Variants in DCTN5 observed in about 807,000 individuals in gnomAD.
DCTN5 encodes dynactin 4.
DCTN5 carries 14 observed loss-of-function variants against 23.5 expected under a neutral mutation model. That is an observed-to-expected ratio of 0.60 (90% CI 0.39 to 0.93). The LOEUF (loss-of-function observed/expected upper bound fraction) is 0.93. Among genes scored for constraint, DCTN5 ranks in the 40% least tolerant of loss-of-function variants. DCTN5 has a pLI of 0.00. For synonymous variants in DCTN5, 67 were observed against 79.6 expected (o/e 0.84, Z 0.84); for missense variants, 156 against 225.9 (o/e 0.69, Z 1.98).
At chr16:23,660,166 G>C (rs1270033053) in intron 3 of DCTN5, among the ~76,000 whole-genome samples, 2 of 152,198 alleles carry the variant, frequency 1.3e-5, no homozygotes, top group African/African-American at 4.8e-5. Flanking sequence ...ATGCATTGCT[G>C]CACAAGAGGT....
chr16:23,642,794 C>T lies in DCTN5; in HGVS notation c.49-161C>T, dbSNP rs1967325213. 1.9e-5 allele frequency: 12 copies of T among 624,084 alleles called. 1 individual carries two copies. The South Asian group carries it at 2.1e-4, about 11-fold the overall frequency. The allele number at this position is 624,084 out of a possible 1,614,324, so 38.7% of individuals were successfully genotyped here. A position where few individuals can be genotyped will look rare whatever the true frequency, so the allele number is the denominator to read the frequency against. ...GAGCCACCATACTCAGCCATAGTTT[C>T]CTAATCCATCATTGCTTTTTTGATA... On this transcript the variant is annotated intron_variant, in intron 1 of 5. Transcript: ENST00000300087.
At chr16:23,646,435 G>C (rs1416011179) in intron 2 of DCTN5, among the ~76,000 whole-genome samples, 2 of 152,020 alleles carry the variant, frequency 1.3e-5, no homozygotes, top group Non-Finnish European at 2.9e-5. Flanking sequence ...TGGTTTATCT[G>C]TTTTTTCTTC....
chr16:23,663,239 C>T (rs1180593319), intron 4 of DCTN5, among the ~76,000 whole-genome samples: 1 of 152,198 alleles, frequency 6.6e-6, no homozygotes, highest in East Asian at 1.9e-4. Flanking sequence ...ATGAGTTTTA[C>T]ATTTATTCTC....
intron 2 of DCTN5, among the ~76,000 whole-genome samples, chr16:23,653,926 TC>T (rs1299811521): frequency 1.3e-5 from 2 of 151,934 alleles, no homozygotes; most frequent in African/African-American, 4.8e-5. Flanking sequence ...AATACAATAA[TC>T]ATGACAAAAA....
chr16:23,666,735 T>G (rs933031842), intron 5 of DCTN5: 9 of 471,898 alleles, frequency 1.9e-5, no homozygotes, highest in Non-Finnish European at 3.0e-5. Context: ...TCATTGAATC[T>G]GAGTTTCTAA....
chr16:23,652,908 C>T lies in DCTN5; in HGVS notation c.118-5599C>T, dbSNP rs182509435. 2.8e-4 allele frequency among the ~76,000 whole-genome samples: 43 copies of T among 152,206 alleles called. 1 individual carries two copies. Among genetic ancestry groups the T allele is most frequent in the Admixed American group, 2.8e-3 (43 of 15,288 alleles). On this transcript the variant is annotated intron_variant, in intron 2 of 5. Coordinates refer to ENST00000300087, the MANE Select transcript of DCTN5 (RefSeq NM_032486.4). ...CTGTAATCCCAGCACTTTCAGAGGC[C>T]AAGGTGGGAAGATCTCTTGAGCCCA...
chr16:23,650,309 T>C (rs940787535), intron 2 of DCTN5, among the ~76,000 whole-genome samples: 1 of 152,066 alleles, frequency 6.6e-6, no homozygotes, highest in Non-Finnish European at 1.5e-5. Context: ...CTAAGATTCA[T>C]TGTGGTCTGT....
At chr16:23,662,335 C>T (rs1457214687) in intron 4 of DCTN5, among the ~76,000 whole-genome samples, 1 of 152,116 alleles carries the variant, frequency 6.6e-6, no homozygotes, top group Non-Finnish European at 1.5e-5. Flanking sequence ...GCCCCTTGCT[C>T]AGCAGAATCT....
At chr16:23,663,706 ACT>A (rs1453669298) in intron 4 of DCTN5, among the ~76,000 whole-genome samples, 1 of 150,640 alleles carries the variant, frequency 6.6e-6, no homozygotes, top group East Asian at 1.9e-4. Flanking sequence ...ACAGAGTGAG[ACT>A]CTGTCCCCCG....
intron 2 of DCTN5, among the ~76,000 whole-genome samples, chr16:23,645,105 A>G (rs1334470822): frequency 3.5e-5 from 1 of 28,642 alleles, no homozygotes; most frequent in Non-Finnish European, 6.9e-5. Context: ...ATATATATAT[A>G]TATATATATA....
At chr16:23,646,188 A>G (rs942601556) in intron 2 of DCTN5, among the ~76,000 whole-genome samples, 2 of 152,122 alleles carry the variant, frequency 1.3e-5, no homozygotes, top group Non-Finnish European at 2.9e-5. Flanking sequence ...ATGACTAATG[A>G]TATTGAACAT....
intron 3 of DCTN5, 27 bp from the exon 4 acceptor site, chr16:23,661,143 T>C (rs749821138): frequency 5.2e-6 from 8 of 1,526,214 alleles, no homozygotes; most frequent in Non-Finnish European, 6.4e-6. Flanking sequence ...TTGACCTTTC[T>C]GTGTTCATCT....
chr16:23,654,888 A>G (rs777388992), intron 2 of DCTN5, among the ~76,000 whole-genome samples: 6 of 152,214 alleles, frequency 3.9e-5, no homozygotes, highest in Non-Finnish European at 8.8e-5. Flanking sequence ...CATTTAATAT[A>G]GTAACCTCCA....
Position 23,676,569 on chromosome 16 carries a change from A to C in DCTN5, c.*9425A>C, listed in dbSNP as rs1177463962. 6.6e-6 allele frequency: 1 copy of C among 152,098 alleles called. No homozygotes were observed. Among genetic ancestry groups the C allele is most frequent in the Admixed American group, 6.6e-5 (1 of 15,136 alleles). 9.4% of individuals were successfully genotyped at this position (152,098 alleles called of 1,614,324 possible). On this transcript the variant is annotated 3_prime_UTR_variant, in exon 6 of 6. Transcript: ENST00000300087. ...AAGACTCCATCTCAACAACAACAAC[A>C]AAAAGGAATTAAGGAGGAAGCCACC... is the stretch of plus-strand genomic sequence containing the variant.
chr16:23,666,369 C>T (rs764969184), intron 5 of DCTN5: 1 of 153,456 alleles, frequency 6.5e-6, no homozygotes, highest in Admixed American at 6.5e-5. Flanking sequence ...AATATTAATA[C>T]ATTATCTCTG....
At chr16:23,643,091 G>A (rs1967337800) in intron 2 of DCTN5, 68 bp downstream of exon 2, 1 of 1,328,402 alleles carries the variant, frequency 7.5e-7, no homozygotes, top group South Asian at 1.2e-5. Flanking sequence ...ACCACAGCAG[G>A]GCAGATAAAA....
chr16:23,657,086 C>T (rs957940304), intron 2 of DCTN5, among the ~76,000 whole-genome samples: 4 of 152,124 alleles, frequency 2.6e-5, no homozygotes, highest in Non-Finnish European at 5.9e-5. Context: ...CACCTGTATC[C>T]TCCATGCAGA....
chr16:23,642,424 G>C (rs1967306578), intron 1 of DCTN5, among the ~76,000 whole-genome samples: 1 of 152,180 alleles, frequency 6.6e-6, no homozygotes, highest in Non-Finnish European at 1.5e-5. Context: ...GCGTCTGTCT[G>C]ATGCCACCAA....
Position 23,670,654 on chromosome 16 carries a change from C to G in DCTN5, c.*3510C>G, listed in dbSNP as rs918291226. On this transcript the variant is annotated 3_prime_UTR_variant, in exon 6 of 6. Coordinates refer to ENST00000300087, the MANE Select transcript of DCTN5 (RefSeq NM_032486.4). ...GGTTAGCTTCCATGGAGCTGCAAGTCCCCTGAAATGATACTGGCAGTGTTG... is the reference window on the plus strand; with the variant it reads ...GGTTAGCTTCCATGGAGCTGCAAGTGCCCTGAAATGATACTGGCAGTGTTG... 3.9e-5 allele frequency: 6 copies of G among 152,130 alleles called. No individual in the cohort carries two copies. Among genetic ancestry groups the G allele is most frequent in the Admixed American group, 1.3e-4 (2 of 15,284 alleles). The allele number at this position is 152,130 out of a possible 1,614,324, so 9.4% of individuals were successfully genotyped here. A position where few individuals can be genotyped will look rare whatever the true frequency, so the allele number is the denominator to read the frequency against.
Sources: allele counts gnomAD v4.1 joint callset (sites outside exome capture counted in the v4.1 genomes callset), GRCh38; gene constraint gnomAD v4.1.1; transcripts MANE v1.5; gene names NCBI Gene and HGNC (gene_info 2026-07-23, HGNC 2026-07-21).